CEP170B: variants seen among roughly 807,000 people sequenced by gnomAD.
The protein encoded by CEP170B is centrosomal protein 170B, also known as centrosomal protein of 170 kDa protein B.
Under a neutral mutation model 120.6 loss-of-function variants are expected in CEP170B, and 55 were observed. The ratio of observed to expected loss-of-function variants is 0.46; its 90% CI spans 0.37 to 0.57. The LOEUF is 0.57. Among genes scored for constraint, CEP170B ranks in the 20% least tolerant of loss-of-function variants. The probability of loss-of-function intolerance (pLI) is 0.00; values close to 1 mark genes in which losing one functional copy is unlikely to be tolerated. For missense variants in CEP170B, 2,212 were observed against 2,253.3 expected (o/e 0.98, Z 0.37); for synonymous variants, 1,033 against 954.5 (o/e 1.08, Z -1.52).
chr14:104,894,957 AG>A lies in CEP170B; in HGVS notation c.*1del. The A allele has an allele frequency of 6.3e-7, 1 of 1,575,134 alleles. No homozygotes were observed. The highest frequency in any genetic ancestry group is 8.6e-7 in the Non-Finnish European group (1 of 1,158,548). On this transcript the variant is annotated frameshift_variant and stop_lost, in exon 19 of 19. Coordinates refer to ENST00000414716, the MANE Select transcript of CEP170B (RefSeq NM_001112726.3). LOFTEE classifies it high-confidence loss of function. ...FLPDAERFLI[*>X] ...CCTGATGCCGAGAGGTTCCTGATCT[AG>A]GCCCCAGACCTGGCCAGGCCAGCCT...
rs1427753463 is a variant in CEP170B, at chr14:104,887,890, C to A, written c.3651C>A (p.Val1217=). The A allele has an allele frequency of 1.3e-6, 2 of 1,561,496 alleles. No homozygotes were observed. The highest frequency in any genetic ancestry group is 1.7e-6 in the Non-Finnish European group (2 of 1,158,192). Residue 1217 remains valine (V), a synonymous_variant, in exon 12 of 19, where the codon GTC becomes GTA. Transcript: ENST00000414716. ...RKPTMAEARA[V]SRKAANTATT... is the part of the protein sequence containing the mutation. ...CCACCATGGCCGAAGCACGGGCTGT[C>A]TCCAGGAAGGCTGCCAACACAGCCA...
chr14:104,887,165 C>T lies in CEP170B; in HGVS notation c.2926C>T (p.Pro976Ser). The T allele has an allele frequency of 6.2e-7, 1 of 1,608,620 alleles. No homozygotes were observed. The highest frequency in any genetic ancestry group is 8.5e-7 in the Non-Finnish European group (1 of 1,179,748). ...SGKSGPSPTT[P>S]QPLRAQKEMS... is the part of the protein sequence containing the mutation. Reference sequence around the variant, plus strand: ...CAAGAGCGGGCCCAGCCCCACAACCCCCCAGCCTCTGCGGGCACAGAAGGA... The same window carrying T: ...CAAGAGCGGGCCCAGCCCCACAACCTCCCAGCCTCTGCGGGCACAGAAGGA... Residue 976 changes from proline (P) to serine (S), a missense_variant, in exon 12 of 19, where the codon CCC becomes TCC. Physicochemically the swap from Pro to Ser is moderately conservative, Grantham distance 74. Around this residue, in one of 2 missense-constraint regions of CEP170B, gnomAD observed 2,166 missense variants for 2,166.7 expected, o/e 1.00. Coordinates refer to ENST00000414716, the MANE Select transcript of CEP170B (RefSeq NM_001112726.3).
At chr14:104,882,899 C>T (rs1436164871) in intron 7 of CEP170B, 67 bp downstream of exon 7, 14 of 1,526,706 alleles carry the variant, frequency 9.2e-6, no homozygotes, top group Non-Finnish European at 1.2e-5. Context: ...AAGGGGATGG[C>T]CTGGGCTTGA....
Position 104,884,487 on chromosome 14 carries a change from T to A in CEP170B, c.1708T>A (p.Tyr570Asn), listed in dbSNP as rs1174864228. The change falls in exon 9 of 19, where the codon TAC (tyrosine) becomes AAC (asparagine). Residue 570 changes from tyrosine (Y) to asparagine (N), a missense_variant. Around this residue, in one of 2 missense-constraint regions of CEP170B, gnomAD observed 2,166 missense variants for 2,166.7 expected, o/e 1.00. Transcript: ENST00000414716. ...CGACAGCCTCAGTGACGCAGGGACA[T>A]ACACCATCGAGACCGAGGCGCAGGA... Reference protein sequence around the residue: ...EDDSLSDAGTYTIETEAQDTE... With the variant: ...EDDSLSDAGTNTIETEAQDTE... The A allele has an allele frequency of 6.4e-7, 1 of 1,562,576 alleles. No homozygotes were observed. Among genetic ancestry groups the A allele is most frequent in the Admixed American group, 1.9e-5 (1 of 53,098 alleles).
At chr14:104,883,690 T>C (rs967264787) in intron 8 of CEP170B, 141 bp from the exon 9 acceptor site, 1 of 1,081,430 alleles carries the variant, frequency 9.2e-7, no homozygotes, top group African/African-American at 1.6e-5. Context: ...CCCGTTGCAC[T>C]TCTTTGCCCT....
chr14:104,878,114 G>A (rs1895959000), intron 4 of CEP170B, 151 bp downstream of exon 4: 1 of 684,646 alleles, frequency 1.5e-6, no homozygotes, highest in African/African-American at 1.8e-5. Context: ...TCCACCTGCT[G>A]ATGGAGCACC....
chr14:104,872,384 A>G (rs2841230), intron 2 of CEP170B, among the ~76,000 whole-genome samples: 29,590 of 50,432 alleles, frequency 0.59, 9,401 homozygotes, highest in Middle Eastern at 0.73. Context: ...ATGGGTGTGC[A>G]TGTGTGCCGT....
In CEP170B at chr14:104,870,397, C is replaced by T. The variant is rs1239896611; in HGVS notation, c.105+1842C>T. 2.0e-5 allele frequency among the ~76,000 whole-genome samples: 3 copies of T among 152,236 alleles called. No individual in the cohort carries two copies. Among genetic ancestry groups the T allele is most frequent in the Non-Finnish European group, 2.9e-5 (2 of 68,050 alleles). On this transcript the variant is annotated intron_variant, in intron 2 of 18. Coordinates refer to ENST00000414716, the MANE Select transcript of CEP170B (RefSeq NM_001112726.3). The surrounding 1 kb of genome is among the most constrained non-coding windows in gnomAD (Gnocchi z 4.1). ...GCCATAGGCCACGCCCCACATACCC[C>T]ACTGCCTCATGGGGCCGCAGCTGTA...
chr14:104,888,065 C>T (rs1387093043), intron 12 of CEP170B, 87 bp downstream of exon 12: 23 of 1,356,478 alleles, frequency 1.7e-5, no homozygotes, highest in African/African-American at 1.5e-4. Flanking sequence ...GAGTGCTGGC[C>T]GTGGGCCCCT....
chr14:104,894,541 T>G lies in CEP170B; in HGVS notation c.4370T>G (p.Ile1457Ser). The G allele has an allele frequency of 6.2e-7, 1 of 1,612,082 alleles. No homozygotes were observed. The highest frequency in any genetic ancestry group is 8.5e-7 in the Non-Finnish European group (1 of 1,179,034). ...CCCTTCCTGCCACGTTTCCAGGAAATCAGCTCCATCCTGAAGGAACTGAGG... is the reference window on the plus strand; with the variant it reads ...CCCTTCCTGCCACGTTTCCAGGAAAGCAGCTCCATCCTGAAGGAACTGAGG... ...VPILKTSNKE[I>S]SSILKELRRV... Residue 1457 changes from isoleucine to serine, a missense_variant, in exon 18 of 19, where the codon ATC becomes AGC. Ile to Ser is a moderately radical substitution (Grantham distance 142). This residue lies in a region of CEP170B where 2,166 missense variants were observed against 2,166.7 expected (regional missense o/e 1.00). Transcript: ENST00000414716.
chr14:104,890,631 T>G, intron 13 of CEP170B, among the ~76,000 whole-genome samples: 1 of 129,312 alleles, frequency 7.7e-6, no homozygotes. Context: ...GATGAGTGGG[T>G]GGGTGGATGG....
intron 4 of CEP170B, 69 bp downstream of exon 4, chr14:104,878,032 A>T: frequency 1.6e-6 from 2 of 1,285,498 alleles, no homozygotes; most frequent in Non-Finnish European, 2.2e-6. Flanking sequence ...TCACCCTGTT[A>T]CTCCAGAAGC....
At chr14:104,877,845 CGCAG>C in intron 3 of CEP170B, 36 bp from the exon 4 acceptor site, 22 of 502,434 alleles carry the variant, frequency 4.4e-5, no homozygotes, top group South Asian at 4.7e-5. Context: ...CACCCACCCG[CGCAG>C]CTCCCCCCCC....
rs749824975 is a variant in CEP170B at position 104,886,803 on chromosome 14, A to AACCCGACGGCCCTGCCCCAGC, written c.2565_2585dup (p.Pro856_Ala862dup). On this transcript the variant is annotated inframe_insertion, in exon 12 of 19. Transcript: ENST00000414716. The stretch of plus-strand genomic sequence containing the variant: ...CAGCTACGGCCTGGACGGTCCCCAG[A>AACCCGACGGCCCTGCCCCAGC]ACCCGACGGCCCTGCCCCAGCCTTT... The AACCCGACGGCCCTGCCCCAGC allele has an allele frequency of 1.9e-6, 3 of 1,611,506 alleles. No individual in the cohort carries two copies.
rs953509252 is a variant in CEP170B, at chr14:104,886,671, A to G, written c.2432A>G (p.Lys811Arg). The G allele has an allele frequency of 4.5e-6, 7 of 1,541,238 alleles. No individual in the cohort carries two copies. Among genetic ancestry groups the G allele is most frequent in the Non-Finnish European group, 6.1e-6 (7 of 1,146,888 alleles). ...DQNGDAVLSRKPLAAPGDGEG... is the reference protein window; with the variant it reads ...DQNGDAVLSRRPLAAPGDGEG... ...AATGGGGACGCTGTGTTATCTAGGA[A>G]ACCGCTTGCGGCTCCAGGGGATGGG... The change falls in exon 12 of 19, where the codon AAA becomes AGA. Residue 811 changes from lysine (K) to arginine (R), a missense_variant. Lys to Arg is a conservative substitution (Grantham distance 26, BLOSUM62 2). Coordinates refer to ENST00000414716, the MANE Select transcript of CEP170B (RefSeq NM_001112726.3).
chr14:104,886,512 G>T lies in CEP170B; in HGVS notation c.2273G>T (p.Gly758Val), dbSNP rs1195350701. Residue 758 changes from glycine to valine, a missense_variant, in exon 12 of 19, where the codon GGC becomes GTC. This residue lies in a region of CEP170B where 2,166 missense variants were observed against 2,166.7 expected (regional missense o/e 1.00). Transcript: ENST00000414716. Reference sequence around the variant, plus strand: ...GCCAGTGGGTCGGACGGGGGCCGAGGCCCCGAGCCAGGGGTGGAGCCACAG... The same window carrying T: ...GCCAGTGGGTCGGACGGGGGCCGAGTCCCCGAGCCAGGGGTGGAGCCACAG... Reference protein sequence around the residue: ...SDASGSDGGRGPEPGVEPQDS... With the variant: ...SDASGSDGGRVPEPGVEPQDS... The T allele has an allele frequency of 6.6e-7, 1 of 1,504,820 alleles. No homozygotes were observed. Among genetic ancestry groups the T allele is most frequent in the South Asian group, 1.4e-5 (1 of 73,582 alleles). The allele number at this position is 1,504,820 out of a possible 1,614,324, so 93.2% of individuals were successfully genotyped here.
intron 12 of CEP170B, among the ~76,000 whole-genome samples, chr14:104,889,355 G>A (rs1429092982): frequency 6.6e-6 from 1 of 152,136 alleles, no homozygotes; most frequent in East Asian, 1.9e-4. Context: ...CTCAGCAGCT[G>A]TTGATGTTTC....
At position 104,895,119 on chromosome 14, in the gene CEP170B, C is replaced by T; in HGVS notation, c.*161C>T. On this transcript the variant is annotated 3_prime_UTR_variant, in exon 19 of 19. Coordinates refer to ENST00000414716, the MANE Select transcript of CEP170B (RefSeq NM_001112726.3). ...TCCCACGCCCTTGCCCCCTCGTCAG[C>T]TCCCAGCCAGCACCCTACTCACCCT... 2 of 791,376 alleles carry T rather than the reference C, an allele frequency of 2.5e-6. No homozygotes were observed. Among genetic ancestry groups the T allele is most frequent in the South Asian group, 3.8e-5 (2 of 51,968 alleles). 49.0% of individuals were successfully genotyped at this position (791,376 alleles called of 1,614,324 possible). A position where few individuals can be genotyped will look rare whatever the true frequency, so the allele number is the denominator to read the frequency against.
At position 104,896,367 on chromosome 14, in the gene CEP170B, G is replaced by A. The variant is rs1897075360; in HGVS notation, c.*1409G>A. On this transcript the variant is annotated 3_prime_UTR_variant, in exon 19 of 19. Coordinates refer to ENST00000414716, the MANE Select transcript of CEP170B (RefSeq NM_001112726.3). ...TGGCAGGTGTCCCCCCCTGGTCCCC[G>A]CCCCAAGAGCCTGCTGTCTGTATGG... The A allele has an allele frequency of 3.0e-6, 1 of 331,250 alleles. No individual in the cohort carries two copies. Among genetic ancestry groups the A allele is most frequent in the Non-Finnish European group, 6.0e-6 (1 of 166,118 alleles). The allele number at this position is 331,250 out of a possible 1,614,324, so 20.5% of individuals were successfully genotyped here. A position where few individuals can be genotyped will look rare whatever the true frequency, so the allele number is the denominator to read the frequency against.
Sources: allele counts gnomAD v4.1 joint callset (sites outside exome capture counted in the v4.1 genomes callset), GRCh38; gene constraint gnomAD v4.1.1; regional missense constraint gnomAD v4.1.1; non-coding constraint Gnocchi (gnomAD v3.1); transcripts MANE v1.5; gene names NCBI Gene and HGNC (gene_info 2026-07-23, HGNC 2026-07-21).